Variants in AGBL4 observed in about 807,000 individuals in gnomAD.
AGBL4 encodes the protein cytosolic carboxypeptidase 6.
Under a neutral mutation model 66.4 loss-of-function variants are expected in AGBL4, and 58 were observed. The observed-to-expected ratio is 0.87, with a 90% confidence interval of 0.71 to 1.09. The LOEUF (loss-of-function observed/expected upper bound fraction) is 1.09, where lower values mean the gene tolerates loss of function less well. AGBL4 is among the 50% of genes least tolerant of loss of function. AGBL4 has a pLI of 0.00. For missense variants in AGBL4, 579 were observed against 631.0 expected, an observed-to-expected ratio of 0.92 and a Z score of 0.88; for synonymous variants, 234 against 222.9, an observed-to-expected ratio of 1.05 and a Z score of -0.44.
intron 3 of AGBL4, among the ~76,000 whole-genome samples, chr1:49,409,215 A>G (rs1645267702): frequency 6.6e-6 from 1 of 151,392 alleles, no homozygotes; most frequent in Non-Finnish European, 1.5e-5. Context: ...TGATACCAAT[A>G]CTTTTTGTTG....
At chr1:49,175,770 G>C (rs115823264) in intron 4 of AGBL4, among the ~76,000 whole-genome samples, 1,660 of 152,248 alleles carry the variant, frequency 0.011, 25 homozygotes, top group African/African-American at 0.038. Flanking sequence ...TCACGGGGCT[G>C]TCCTAAGTTC....
intron 6 of AGBL4, among the ~76,000 whole-genome samples, chr1:48,710,457 GGAGAGGAAGGCGGGCAT>G (rs764604204): frequency 9.2e-5 from 14 of 152,220 alleles, no homozygotes; most frequent in Admixed American, 2.6e-4. Flanking sequence ...GTTTGCTTGT[GGAGAGGAAGGCGGGCAT>G]GAGAGGGAAG....
At chr1:49,530,701 C>A (rs1651071142) in intron 3 of AGBL4, among the ~76,000 whole-genome samples, 1 of 151,930 alleles carries the variant, frequency 6.6e-6, no homozygotes, top group Non-Finnish European at 1.5e-5. Flanking sequence ...CTTCTTGGGA[C>A]TTAGGGATTT....
chr1:48,750,792 G>GAT (rs1270099937), intron 6 of AGBL4, among the ~76,000 whole-genome samples: 1 of 152,196 alleles, frequency 6.6e-6, no homozygotes, highest in Non-Finnish European at 1.5e-5. Flanking sequence ...CTGGGTGATT[G>GAT]CATGGCAGGG....
At chr1:49,194,824 T>C (rs942778243) in intron 4 of AGBL4, among the ~76,000 whole-genome samples, 6 of 152,032 alleles carry the variant, frequency 3.9e-5, no homozygotes, top group African/African-American at 1.4e-4. Flanking sequence ...TCATAGATAA[T>C]TGGGAATCAT....
At chr1:48,997,051 T>C (rs150070583) in intron 5 of AGBL4, among the ~76,000 whole-genome samples, 3,477 of 152,124 alleles carry the variant, frequency 0.023, 130 homozygotes, top group African/African-American at 0.076. Context: ...GCCTCCCCAA[T>C]AGCTGTGATT....
At chr1:49,998,780 T>C (rs1660541470) in intron 1 of AGBL4, among the ~76,000 whole-genome samples, 1 of 152,170 alleles carries the variant, frequency 6.6e-6, no homozygotes, top group African/African-American at 2.4e-5. Flanking sequence ...TGGTTTAACA[T>C]ATGCAAGTCA....
At chr1:49,493,888 A>T (rs1169530019) in intron 3 of AGBL4, among the ~76,000 whole-genome samples, 1 of 152,000 alleles carries the variant, frequency 6.6e-6, no homozygotes, top group Non-Finnish European at 1.5e-5. Context: ...TAAAGATCCA[A>T]GGAAAGGGGT....
At chr1:49,115,019 C>A (rs1399331611) in intron 4 of AGBL4, among the ~76,000 whole-genome samples, 1 of 152,016 alleles carries the variant, frequency 6.6e-6, no homozygotes, top group Non-Finnish European at 1.5e-5. Flanking sequence ...AATAGACTTG[C>A]TGAACACAGG....
intron 6 of AGBL4, among the ~76,000 whole-genome samples, chr1:48,675,145 AC>A (rs906489177): frequency 2.7e-5 from 4 of 148,142 alleles, no homozygotes; most frequent in African/African-American, 1.0e-4. Context: ...TGTGAAACAG[AC>A]CCCCCCGCCA....
At chr1:48,733,615 T>C (rs1298125730) in intron 6 of AGBL4, among the ~76,000 whole-genome samples, 2 of 152,158 alleles carry the variant, frequency 1.3e-5, no homozygotes, top group Admixed American at 6.5e-5. Context: ...GAGTGTGTAA[T>C]GGCCCAAGCC....
At chr1:48,674,678 A>G (rs919344915) in intron 6 of AGBL4, among the ~76,000 whole-genome samples, 2 of 152,196 alleles carry the variant, frequency 1.3e-5, no homozygotes, top group Non-Finnish European at 2.9e-5. Context: ...AAATGGGAAT[A>G]ATAATATTCA....
At chr1:48,531,187 C>T (rs1278538776), downstream of AGBL4, among the ~76,000 whole-genome samples, 1 of 149,772 alleles carries the variant, frequency 6.7e-6, no homozygotes, top group Non-Finnish European at 1.5e-5. Flanking sequence ...TACAGGCTGC[C>T]TTATAGCCAG....
chr1:49,977,619 C>T (rs999775795), intron 1 of AGBL4, among the ~76,000 whole-genome samples: 1 of 152,194 alleles, frequency 6.6e-6, no homozygotes, highest in African/African-American at 2.4e-5. Flanking sequence ...GTTCTCTTCT[C>T]TCACCTTCCA....
At chr1:49,257,767 C>A (rs756627424) in intron 3 of AGBL4, among the ~76,000 whole-genome samples, 2 of 152,330 alleles carry the variant, frequency 1.3e-5, no homozygotes, top group East Asian at 3.9e-4. Flanking sequence ...GCGTCACTCA[C>A]GCTGGGAGCT....
chr1:49,495,468 C>A (rs1267285554), intron 3 of AGBL4, among the ~76,000 whole-genome samples: 1 of 151,964 alleles, frequency 6.6e-6, no homozygotes, highest in South Asian at 2.1e-4. Context: ...GATTAGACAG[C>A]CCTGTCTTAA....
chr1:49,845,003 G>A lies in AGBL4; in HGVS notation c.157+6393C>T, dbSNP rs1020585096. The A allele has an allele frequency of 2.1e-5, 30 of 1,441,056 alleles. No homozygotes were observed. The African/African-American group carries it at 3.8e-4, about 18-fold the overall frequency. The allele number at this position is 1,441,056 out of a possible 1,614,324, so 89.3% of individuals were successfully genotyped here. A position where few individuals can be genotyped will look rare whatever the true frequency, so the allele number is the denominator to read the frequency against. On this transcript the variant is annotated intron_variant, in intron 2 of 13. Coordinates refer to ENST00000371839, the MANE Select transcript of AGBL4 (RefSeq NM_032785.4). Reference sequence around the variant, plus strand: ...CCTGAACAACAAGGCCCCCACACGTGGGGAACACGTGGAAAAAGGGAGAAG... The same window carrying A: ...CCTGAACAACAAGGCCCCCACACGTAGGGAACACGTGGAAAAAGGGAGAAG...
At chr1:49,787,319 G>C (rs1644479287) in intron 2 of AGBL4, among the ~76,000 whole-genome samples, 1 of 151,972 alleles carries the variant, frequency 6.6e-6, no homozygotes, top group African/African-American at 2.4e-5. Context: ...TGGCTAACAC[G>C]GTAAAACCCC....
intron 6 of AGBL4, among the ~76,000 whole-genome samples, chr1:48,717,185 GT>G (rs1437456608): frequency 2.0e-5 from 3 of 151,946 alleles, no homozygotes; most frequent in Non-Finnish European, 4.4e-5. Context: ...CCTCTTTTTG[GT>G]TTATTTGTCT....
Sources: gnomAD v4.1 joint callset for allele counts (sites outside exome capture counted in the v4.1 genomes callset) on GRCh38, gnomAD v4.1.1 for gene constraint, MANE v1.5 for transcripts, NCBI Gene and HGNC (gene_info 2026-07-23, HGNC 2026-07-21) for gene names.